Variants in ZNF367 observed in about 807,000 individuals in gnomAD.
ZNF367 encodes C2H2 zinc finger protein ZFF29.
A neutral mutation model predicts 31.8 loss-of-function variants in ZNF367; 11 were observed. That is an observed-to-expected ratio of 0.35 (90% CI 0.22 to 0.57). The LOEUF (loss-of-function observed/expected upper bound fraction) is 0.57, where lower values mean the gene tolerates loss of function less well. ZNF367 is among the 20% of genes least tolerant of loss of function. ZNF367 has a pLI of 0.85. For missense variants in ZNF367, 353 were observed against 484.1 expected, an observed-to-expected ratio of 0.73 and a Z score of 2.54; for synonymous variants, 199 against 202.4, an observed-to-expected ratio of 0.98 and a Z score of 0.14.
Position 96,391,283 on chromosome 9 carries a change from ATG to A in ZNF367, c.830+1113_830+1114del, listed in dbSNP as rs915938113. Among the ~76,000 whole-genome samples the A allele has an allele frequency of 2.8e-4, 42 of 152,198 alleles. 1 individual carries two copies. The highest frequency in any genetic ancestry group is 4.8e-5 in the African/African-American group (2 of 41,460). On this transcript the variant is annotated intron_variant, in intron 4 of 4. Coordinates refer to ENST00000375256, the MANE Select transcript of ZNF367 (RefSeq NM_153695.4). ...GGGAAGGTATAAAATAAACAAATAA[ATG>A]TGTGATGGATGTTTTGAAAAGGAAA...
rs1416503676 is a variant in ZNF367 at position 96,388,326 on chromosome 9, G to A, written c.964C>T (p.Arg322Cys). 22 of 1,612,438 alleles carry A rather than the reference G, an allele frequency of 1.4e-5. No homozygotes were observed. The highest frequency in any genetic ancestry group is 1.5e-5 in the Non-Finnish European group (18 of 1,180,020). The change falls in exon 5 of 5, where the codon CGC (arginine) becomes TGC (cysteine). Residue 322 changes from arginine (R) to cysteine (C), a missense_variant. Arg to Cys is a radical substitution (Grantham distance 180, BLOSUM62 -3). This residue lies in a region of ZNF367 where 101 missense variants were observed against 140.0 expected (regional missense o/e 0.72). Coordinates refer to ENST00000375256, the MANE Select transcript of ZNF367 (RefSeq NM_153695.4). ...CGCTCCCGCTGCTCCTGCAGCCGGC[G>A]CTGGGCCCCTCTCTTCTCGTCGTCC... ...EEDDEKRGAQ[R>C]RLQEQRERLH...
chr9:96,402,140 C>T (rs939021193), intron 1 of ZNF367, among the ~76,000 whole-genome samples: 5 of 151,744 alleles, frequency 3.3e-5, no homozygotes, highest in African/African-American at 4.8e-5. Flanking sequence ...CCTATAGTCC[C>T]AGCTACTCAG....
intron 1 of ZNF367, among the ~76,000 whole-genome samples, chr9:96,402,865 CT>C (rs1320669685): frequency 1.3e-5 from 2 of 152,074 alleles, no homozygotes; most frequent in East Asian, 3.8e-4. Context: ...ACAAAAAAGT[CT>C]CACTAAATTT....
intron 1 of ZNF367, among the ~76,000 whole-genome samples, chr9:96,409,478 C>T (rs1224482506): frequency 6.6e-6 from 1 of 152,186 alleles, no homozygotes; most frequent in Non-Finnish European, 1.5e-5. Flanking sequence ...AAGTTGCATT[C>T]TGCAGCCTGC....
intron 1 of ZNF367, among the ~76,000 whole-genome samples, chr9:96,415,479 ATTTTTTTTTTTTTTTT>A (rs56349404): frequency 2.9e-3 from 110 of 37,774 alleles, no homozygotes; most frequent in African/African-American, 0.011. Flanking sequence ...TAGTTTCTTC[ATTTTTTTTTTTTTTTT>A]TTTTTTTTTT....
In ZNF367 at chr9:96,418,313, A is replaced by C. The variant is rs1831865192; in HGVS notation, c.-281T>G. 1 of 395,544 alleles carries C rather than the reference A, an allele frequency of 2.5e-6. No homozygotes were observed. The highest frequency in any genetic ancestry group is 4.5e-5 in the Admixed American group (1 of 22,130). 24.5% of individuals were successfully genotyped at this position (395,544 alleles called of 1,614,324 possible). On this transcript the variant is annotated 5_prime_UTR_variant, in exon 1 of 5. Coordinates refer to ENST00000375256, the MANE Select transcript of ZNF367 (RefSeq NM_153695.4). Reference sequence around the variant, plus strand: ...AGCGGGCGGCCCGGCCCTTGCGGTGACAGGAAAGCAGGACGCGCGGCGCTG... The same window carrying C: ...AGCGGGCGGCCCGGCCCTTGCGGTGCCAGGAAAGCAGGACGCGCGGCGCTG...
chr9:96,417,482 AG>A lies in ZNF367; in HGVS notation c.420+130del. On this transcript the variant is annotated intron_variant, in intron 1 of 4. Coordinates refer to ENST00000375256, the MANE Select transcript of ZNF367 (RefSeq NM_153695.4). This position sits in a 1 kb window ranked among gnomAD's most constrained non-coding sequence, Gnocchi z 5.0. ...GTTTTTGGCGCGCGGCAGTGACGTCAGCATCCTGTCAGCCGCAGCCCCCGCC... is the reference window on the plus strand; with the variant it reads ...GTTTTTGGCGCGCGGCAGTGACGTCACATCCTGTCAGCCGCAGCCCCCGCC... 2 of 243,692 alleles carry A rather than the reference AG, an allele frequency of 8.2e-6. No individual in the cohort carries two copies. Among genetic ancestry groups the A allele is most frequent in the Non-Finnish European group, 1.6e-5 (2 of 128,420 alleles). The allele number at this position is 243,692 out of a possible 1,614,324, so 15.1% of individuals were successfully genotyped here.
At chr9:96,414,621 G>A (rs1438729251) in intron 1 of ZNF367, among the ~76,000 whole-genome samples, 1 of 152,090 alleles carries the variant, frequency 6.6e-6, no homozygotes, top group Admixed American at 6.6e-5. Flanking sequence ...GGGACTACAG[G>A]GGTGTGCCAC....
chr9:96,406,946 C>G (rs1460165815), intron 1 of ZNF367, among the ~76,000 whole-genome samples: 1 of 134,890 alleles, frequency 7.4e-6, no homozygotes, highest in Non-Finnish European at 1.5e-5. Context: ...AGCTTGCAGT[C>G]AGCCGAGATC....
At chr9:96,393,046 T>C (rs1275911659) in intron 3 of ZNF367, among the ~76,000 whole-genome samples, 1 of 151,902 alleles carries the variant, frequency 6.6e-6, no homozygotes, top group Admixed American at 6.6e-5. Flanking sequence ...GATCACGCCA[T>C]TGCACTCCAG....
intron 1 of ZNF367, among the ~76,000 whole-genome samples, chr9:96,416,743 G>C (rs772663203): frequency 1.3e-5 from 2 of 152,120 alleles, no homozygotes; most frequent in South Asian, 2.1e-4. Flanking sequence ...CACCTTTATT[G>C]AGCATTTACA....
Position 96,404,883 on chromosome 9 carries a change from T to C in ZNF367, c.421-6569A>G, listed in dbSNP as rs560528681. On this transcript the variant is annotated intron_variant, in intron 1 of 4. Transcript: ENST00000375256. The stretch of plus-strand genomic sequence containing the variant: ...TCTGATAAGGGCCTAGTATCAAGGA[T>C]ATAAAAAGACCTCTTAGAACTCAAC... 6.6e-5 allele frequency among the ~76,000 whole-genome samples: 10 copies of C among 152,106 alleles called. No homozygotes were observed. In the South Asian group the frequency reaches 1.9e-3, roughly 28 times the overall value.
chr9:96,396,809 A>G lies in ZNF367; in HGVS notation c.571+1355T>C, dbSNP rs143217129. 3.7e-3 allele frequency among the ~76,000 whole-genome samples: 564 copies of G among 152,056 alleles called. 5 individuals carry two copies. Among genetic ancestry groups the G allele is most frequent in the Middle Eastern group, 0.02 (6 of 294 alleles). On this transcript the variant is annotated intron_variant, in intron 2 of 4. Coordinates refer to ENST00000375256, the MANE Select transcript of ZNF367 (RefSeq NM_153695.4). ...CAGTTTCCCGAGTAACTGAGATTACAGGAATGTGCCACCACACCTGGCTAA... is the reference window on the plus strand; with the variant it reads ...CAGTTTCCCGAGTAACTGAGATTACGGGAATGTGCCACCACACCTGGCTAA...
At chr9:96,391,301 G>A (rs948753494) in intron 4 of ZNF367, among the ~76,000 whole-genome samples, 2 of 152,184 alleles carry the variant, frequency 1.3e-5, no homozygotes, top group African/African-American at 2.4e-5. Context: ...TGGATGTTTT[G>A]AAAAGGAAAA....
chr9:96,407,476 C>G, intron 1 of ZNF367: 2 of 1,319,564 alleles, frequency 1.5e-6, no homozygotes, highest in Non-Finnish European at 2.2e-6. Flanking sequence ...GAAAAAAAGA[C>G]TATCAAAGAT....
chr9:96,410,908 AC>A lies in ZNF367; in HGVS notation c.420+6704del, dbSNP rs1374458416. 2.6e-5 allele frequency among the ~76,000 whole-genome samples: 4 copies of A among 151,344 alleles called. No individual in the cohort carries two copies. The East Asian group carries it at 5.8e-4, about 22-fold the overall frequency. ...AACAAAACAAAACAAAACAAAAAAA[AC>A]ATAGTGGCTGGCCACAGTGGCTCAC... On this transcript the variant is annotated intron_variant, in intron 1 of 4. Transcript: ENST00000375256.
chr9:96,393,393 A>C (rs1831495113), intron 3 of ZNF367, among the ~76,000 whole-genome samples: 2 of 151,516 alleles, frequency 1.3e-5, no homozygotes, highest in South Asian at 4.2e-4. Flanking sequence ...TGGTGGCACA[A>C]GCCTGTAATT....
In ZNF367 at chr9:96,418,218, AC is replaced by A; in HGVS notation, c.-187del. The A allele has an allele frequency of 1.1e-6, 1 of 879,514 alleles. No individual in the cohort carries two copies. Among genetic ancestry groups the A allele is most frequent in the Non-Finnish European group, 1.5e-6 (1 of 663,478 alleles). The allele number at this position is 879,514 out of a possible 1,614,324, so 54.5% of individuals were successfully genotyped here. A position where few individuals can be genotyped will look rare whatever the true frequency, so the allele number is the denominator to read the frequency against. On this transcript the variant is annotated 5_prime_UTR_variant, in exon 1 of 5. Coordinates refer to ENST00000375256, the MANE Select transcript of ZNF367 (RefSeq NM_153695.4). ...AGACGGCACCGGCGGGCAGGGCTGG[AC>A]CCCAGCCCCAGGTCAAGCGCGCCCT...
At chr9:96,416,836 T>C (rs1028068418) in intron 1 of ZNF367, among the ~76,000 whole-genome samples, 15 of 152,144 alleles carry the variant, frequency 9.9e-5, no homozygotes, top group Non-Finnish European at 1.5e-4. Flanking sequence ...CAGAGTTCAG[T>C]ATAAGTCAGC....
Sources: allele counts gnomAD v4.1 joint callset (sites outside exome capture counted in the v4.1 genomes callset), GRCh38; gene constraint gnomAD v4.1.1; regional missense constraint gnomAD v4.1.1; non-coding constraint Gnocchi (gnomAD v3.1); transcripts MANE v1.5; gene names NCBI Gene and HGNC (gene_info 2026-07-23, HGNC 2026-07-21).